TFAP2A: variants seen among roughly 807,000 people sequenced by gnomAD.
TFAP2A encodes transcription factor AP-2-alpha.
TFAP2A carries 7 observed loss-of-function variants against 41.5 expected under a neutral mutation model. The observed-to-expected ratio is 0.17, with a 90% confidence interval of 0.10 to 0.32. TFAP2A has a LOEUF of 0.32. TFAP2A is among the 10% of genes least tolerant of loss of function. The probability of loss-of-function intolerance (pLI) is 1.00; values close to 1 mark genes in which losing one functional copy is unlikely to be tolerated. For missense variants in TFAP2A, 416 were observed against 563.3 expected (o/e 0.74, Z 2.65); for synonymous variants, 247 against 242.8 (o/e 1.02, Z -0.16).
At chr6:10,403,122 C>T (rs1363918376) in intron 4 of TFAP2A, among the ~76,000 whole-genome samples, 1 of 152,218 alleles carries the variant, frequency 6.6e-6, no homozygotes, top group Non-Finnish European at 1.5e-5. Flanking sequence ...ATGTCACCAG[C>T]CTAACTGGAA....
intron 4 of TFAP2A, 25 bp downstream of exon 4, chr6:10,404,483 C>T (rs1027845240): frequency 4.7e-6 from 7 of 1,482,654 alleles, no homozygotes; most frequent in Non-Finnish European, 6.3e-6. Flanking sequence ...CGGGGCGGGG[C>T]GGGCGGGGCC....
At chr6:10,412,220 C>T in intron 1 of TFAP2A, 1 of 986,560 alleles carries the variant, frequency 1.0e-6, no homozygotes, top group South Asian at 4.7e-5. Flanking sequence ...AGGGAGCGGG[C>T]GAGCGCGCGG....
intron 3 of TFAP2A, chr6:10,405,868 C>A (rs1757691121): frequency 1.3e-5 from 2 of 152,130 alleles, no homozygotes; most frequent in Admixed American, 1.3e-4. Flanking sequence ...AGGAGTTAAA[C>A]GAACTCTTGA....
At chr6:10,409,741 T>G in intron 2 of TFAP2A, 160 bp downstream of exon 2, 1 of 856,530 alleles carries the variant, frequency 1.2e-6, no homozygotes, top group South Asian at 1.6e-5. Flanking sequence ...TTTGTGTGGT[T>G]CCTCAAAACG....
At chr6:10,418,069 G>A (rs181733573), upstream of TFAP2A, 16 of 152,392 alleles carry the variant, frequency 1.0e-4, no homozygotes, top group East Asian at 3.1e-3. Context: ...AGCCCACAGG[G>A]TCAGGAAGGG....
Position 10,397,668 on chromosome 6 carries a change from A to G in TFAP2A, c.*749T>C. 1 of 196,918 alleles carries G rather than the reference A, an allele frequency of 5.1e-6. No homozygotes were observed. The highest frequency in any genetic ancestry group is 9.2e-6 in the Non-Finnish European group (1 of 108,810). 12.2% of individuals were successfully genotyped at this position (196,918 alleles called of 1,614,324 possible). A position where few individuals can be genotyped will look rare whatever the true frequency, so the allele number is the denominator to read the frequency against. ...AAACAAGATCAGATAAATAAAAAAA[A>G]AAAGGCTTAAAACAGACTCACCATA... is the stretch of plus-strand genomic sequence containing the variant. On this transcript the variant is annotated 3_prime_UTR_variant, in exon 7 of 7. Coordinates refer to ENST00000379613, the MANE Select transcript of TFAP2A (RefSeq NM_001372066.1).
At position 10,412,200 on chromosome 6, in the gene TFAP2A, CGAGCGAGAGAGG is replaced by C. The variant is rs1233763695; in HGVS notation, c.52-1877_52-1866del. 1.7e-5 allele frequency: 17 copies of C among 986,630 alleles called. No homozygotes were observed. The East Asian group carries it at 1.8e-3, about 106-fold the overall frequency. The allele number at this position is 986,630 out of a possible 1,614,324, so 61.1% of individuals were successfully genotyped here. On this transcript the variant is annotated intron_variant, in intron 1 of 6. Coordinates refer to ENST00000379613, the MANE Select transcript of TFAP2A (RefSeq NM_001372066.1). ...GAGAGGGAGCGCGAGAGACAAAAAG[CGAGCGAGAGAGG>C]GAGCGGGCGAGCGCGCGGGGGGCCG... is the stretch of plus-strand genomic sequence containing the variant.
upstream of TFAP2A, among the ~76,000 whole-genome samples, chr6:10,417,386 G>C (rs927863506): frequency 6.6e-6 from 1 of 152,238 alleles, no homozygotes; most frequent in Non-Finnish European, 1.5e-5. Flanking sequence ...GCCGGCTCTG[G>C]ACTGCCGCCC....
At position 10,398,286 on chromosome 6, in the gene TFAP2A, C is replaced by T. The variant is rs966069097; in HGVS notation, c.*131G>A. 2.7e-5 allele frequency: 43 copies of T among 1,578,160 alleles called. No homozygotes were observed. Among genetic ancestry groups the T allele is most frequent in the Non-Finnish European group, 3.5e-5 (41 of 1,166,930 alleles). ...CGGGGGGACCCAAGGGCAGCGGCGG[C>T]GGCGGCGGCGGCAGCAGCAGCAGCA... On this transcript the variant is annotated 3_prime_UTR_variant, in exon 7 of 7. Transcript: ENST00000379613. The surrounding 1 kb of genome is among the most constrained non-coding windows in gnomAD (Gnocchi z 5.3).
intron 2 of TFAP2A, chr6:10,407,156 A>C: frequency 2.6e-6 from 1 of 391,516 alleles, no homozygotes; most frequent in Non-Finnish European, 4.7e-6. Context: ...ATTCTCAGTC[A>C]GTTCAACATT....
chr6:10,399,061 TCAGAAA>T (rs1452763299), intron 6 of TFAP2A, among the ~76,000 whole-genome samples: 1 of 152,118 alleles, frequency 6.6e-6, no homozygotes, highest in Non-Finnish European at 1.5e-5. Context: ...AGACCGGAAG[TCAGAAA>T]CAGTAGCATC....
At chr6:10,418,620 G>C (rs1213454494), upstream of TFAP2A, 1 of 152,372 alleles carries the variant, frequency 6.6e-6, no homozygotes, top group African/African-American at 2.4e-5. Flanking sequence ...TCCTTGGCCA[G>C]GGTCGGAATC....
rs770326832 is a variant in TFAP2A, at chr6:10,410,108, C to T, written c.279G>A (p.Pro93=). ...TCTGGCCGGGCCAGCCTGGGTGCTG[C>T]GGCTGCGGCTGGGCGTGCAGGGGGT... ...SLNPLHAQPQ[P]QHPGWPGQRQ... The change falls in exon 2 of 7, where the codon CCG becomes CCA. Residue 93 remains proline, a synonymous_variant. Transcript: ENST00000379613. The T allele has an allele frequency of 3.7e-6, 6 of 1,610,688 alleles. No homozygotes were observed. In the Admixed American group the frequency reaches 1.0e-4, roughly 27 times the overall value.
At chr6:10,415,215 G>T (rs954419976), upstream of TFAP2A, 2 of 1,475,882 alleles carry the variant, frequency 1.4e-6, no homozygotes, top group Admixed American at 2.2e-5. Context: ...CGAGGAGGAG[G>T]AGAGAAGGGA....
intron 4 of TFAP2A, 50 bp downstream of exon 4, chr6:10,404,458 T>G: frequency 7.3e-7 from 1 of 1,378,498 alleles, no homozygotes; most frequent in Non-Finnish European, 9.5e-7. Context: ...GCAAGCGCAG[T>G]GGTTCCCCCG....
intron 6 of TFAP2A, among the ~76,000 whole-genome samples, chr6:10,399,896 G>GTCTCTC (rs140854143): frequency 0.042 from 6,254 of 148,504 alleles, 329 homozygotes; most frequent in East Asian, 0.23. Flanking sequence ...TGGGGTGTGG[G>GTCTCTC]TCTCTCTCTC....
chr6:10,398,240 G>C lies in TFAP2A; in HGVS notation c.*177C>G, dbSNP rs1000507129. On this transcript the variant is annotated 3_prime_UTR_variant, in exon 7 of 7. Transcript: ENST00000379613. This position sits in a 1 kb window ranked among gnomAD's most constrained non-coding sequence, Gnocchi z 5.3. The stretch of plus-strand genomic sequence containing the variant: ...CGGAGAGGCTGCCCCACTGACAGTC[G>C]AGAGGGCAGTCCCGGAGACTCGGGG... 2.0e-5 allele frequency: 30 copies of C among 1,502,964 alleles called. No individual in the cohort carries two copies. In the East Asian group the frequency reaches 5.3e-4, roughly 26 times the overall value. The allele number at this position is 1,502,964 out of a possible 1,614,324, so 93.1% of individuals were successfully genotyped here.
At position 10,404,537 on chromosome 6, in the gene TFAP2A, G is replaced by A. The variant is rs1207216619; in HGVS notation, c.741C>T (p.Asn247=). 1.9e-6 allele frequency: 3 copies of A among 1,612,942 alleles called. No individual in the cohort carries two copies. The highest frequency in any genetic ancestry group is 2.5e-6 in the Non-Finnish European group (3 of 1,179,548). Residue 247 remains asparagine (N), a synonymous_variant, in exon 4 of 7, where the codon AAC becomes AAT. Transcript: ENST00000379613. Reference sequence around the variant, plus strand: ...GGAGCACTCCGCCCAGCAGCGACGCGTTGAGACACTCGGGTGGTGAGAGCC... The same window carrying A: ...GGAGCACTCCGCCCAGCAGCGACGCATTGAGACACTCGGGTGGTGAGAGCC... ...QRRLSPPECL[N]ASLLGGVLRR...
chr6:10,417,611 G>T (rs927894735), upstream of TFAP2A, among the ~76,000 whole-genome samples: 16 of 152,212 alleles, frequency 1.1e-4, no homozygotes, highest in Admixed American at 9.2e-4. Flanking sequence ...GGCGTCGCGG[G>T]GAAGAGGGAG....
Sources: gnomAD v4.1 joint callset for allele counts (sites outside exome capture counted in the v4.1 genomes callset) on GRCh38, gnomAD v4.1.1 for gene constraint, Gnocchi (gnomAD v3.1) non-coding constraint, MANE v1.5 for transcripts, NCBI Gene and HGNC (gene_info 2026-07-23, HGNC 2026-07-21) for gene names.